DHX29: variants seen among roughly 807,000 people sequenced by gnomAD.
The protein encoded by DHX29 is DExH-box helicase 29.
In DHX29, 79 loss-of-function variants were observed where a neutral mutation model predicts 167.9. The ratio of observed to expected loss-of-function variants is 0.47; its 90% confidence interval spans 0.39 to 0.57. The LOEUF is 0.57. Ranked by LOEUF, DHX29 falls within the 20% of genes least tolerant of loss-of-function variation. DHX29 has a pLI of 0.00. For missense variants in DHX29, 1,347 were observed against 1,593.4 expected (o/e 0.85, Z 2.63); for synonymous variants, 530 against 546.0 (o/e 0.97, Z 0.41).
intron 3 of DHX29, 151 bp from the exon 4 acceptor site, chr5:55,296,500 CTGAAT>C: frequency 9.3e-7 from 1 of 1,070,166 alleles, no homozygotes; most frequent in Non-Finnish European, 1.2e-6. Flanking sequence ...AATGTGTTTA[CTGAAT>C]TAAGAATTTG....
chr5:55,270,822 T>C, intron 18 of DHX29, 116 bp from the exon 19 acceptor site: 1 of 719,850 alleles, frequency 1.4e-6, no homozygotes, highest in Non-Finnish European at 2.4e-6. Context: ...TCCATTATTG[T>C]GGACCAATAG....
At chr5:55,292,933 T>G (rs1391387097) in intron 6 of DHX29, among the ~76,000 whole-genome samples, 1 of 152,150 alleles carries the variant, frequency 6.6e-6, no homozygotes, top group Non-Finnish European at 1.5e-5. Flanking sequence ...GCCCTAAATA[T>G]TTTACTTATA....
intron 24 of DHX29, 61 bp from the exon 25 acceptor site, chr5:55,261,560 T>C: frequency 9.4e-7 from 1 of 1,063,634 alleles, no homozygotes. Context: ...AGGTCATTTA[T>C]CTTTTTCAAG....
At chr5:55,298,275 G>C (rs755035406) in intron 2 of DHX29, among the ~76,000 whole-genome samples, 4 of 152,212 alleles carry the variant, frequency 2.6e-5, no homozygotes, top group Non-Finnish European at 5.9e-5. Context: ...ATATTCATGA[G>C]ATGTCCCATG....
chr5:55,306,292 T>C (rs1334688166), intron 1 of DHX29, among the ~76,000 whole-genome samples: 1 of 152,198 alleles, frequency 6.6e-6, no homozygotes, highest in Non-Finnish European at 1.5e-5. Flanking sequence ...CCCCAAGCTC[T>C]TTCCTGACTC....
intron 12 of DHX29, 118 bp downstream of exon 12, chr5:55,281,254 A>G (rs1252890678): frequency 6.5e-6 from 5 of 772,118 alleles, no homozygotes; most frequent in Non-Finnish European, 9.0e-6. Context: ...AAATTATTAT[A>G]TATAAGGTAT....
intron 12 of DHX29, chr5:55,279,738 G>GTT (rs550132982): frequency 1.5e-4 from 17 of 111,018 alleles, no homozygotes; most frequent in Non-Finnish European, 2.5e-4. Context: ...TGCTGTTTTT[G>GTT]TTTTTTTTTT....
chr5:55,274,238 A>G (rs1249312585), intron 16 of DHX29, among the ~76,000 whole-genome samples: 1 of 151,838 alleles, frequency 6.6e-6, no homozygotes, highest in Admixed American at 6.6e-5. Flanking sequence ...TATGAAAAAA[A>G]TTTTTTAAAT....
intron 5 of DHX29, among the ~76,000 whole-genome samples, chr5:55,294,570 G>C (rs546637399): frequency 6.6e-6 from 1 of 152,336 alleles, no homozygotes; most frequent in East Asian, 1.9e-4. Flanking sequence ...AGCTACTCGG[G>C]AGGCTGAGGC....
intron 14 of DHX29, among the ~76,000 whole-genome samples, chr5:55,275,771 A>ATGTATGTG (rs1554023573): frequency 3.4e-5 from 5 of 146,812 alleles, no homozygotes; most frequent in East Asian, 1.9e-4. Context: ...GTATGTATGT[A>ATGTATGTG]TGTGTGTGTG....
rs748530314 is a variant in DHX29, at chr5:55,276,355, C to A, written c.2338G>T (p.Asp780Tyr). 1 of 1,605,972 alleles carries A rather than the reference C, an allele frequency of 6.2e-7. No homozygotes were observed. Among genetic ancestry groups the A allele is most frequent in the Non-Finnish European group, 8.5e-7 (1 of 1,176,486 alleles). The change falls in exon 14 of 27, where the codon GAC becomes TAC. Residue 780 changes from aspartate (D) to tyrosine (Y), a missense_variant. Coordinates refer to ENST00000251636, the MANE Select transcript of DHX29 (RefSeq NM_019030.4). ...IEETGFVLEK[D>Y]SEYCQKFLEE... The stretch of plus-strand genomic sequence containing the variant: ...AGAAATTTCTGACAATATTCTGAGT[C>A]TTTTTCCAGTACAAAGCCTGTTTCT...
At chr5:55,289,570 A>C (rs1733915352) in intron 7 of DHX29, 142 bp from the exon 8 acceptor site, 1 of 609,940 alleles carries the variant, frequency 1.6e-6, no homozygotes, top group South Asian at 4.5e-5. Context: ...AAAAAACTGC[A>C]TTCCTTCTTT....
intron 1 of DHX29, 83 bp downstream of exon 1, chr5:55,307,304 C>G: frequency 8.3e-7 from 1 of 1,204,150 alleles, no homozygotes; most frequent in Non-Finnish European, 1.2e-6. Context: ...GCCCGAAGCT[C>G]CTCCCGGGTT....
chr5:55,274,902 T>A lies in DHX29; in HGVS notation c.2536A>T (p.Asn846Tyr). ...AILYMNPHKI[N>Y]LDLILELLAY... ...AGAAGTTCCAAAATGAGATCCAGGTTGATTTTATGAGGATTCATGTATAGA... is the reference window on the plus strand; with the variant it reads ...AGAAGTTCCAAAATGAGATCCAGGTAGATTTTATGAGGATTCATGTATAGA... Residue 846 changes from asparagine (N) to tyrosine (Y), a missense_variant, in exon 15 of 27, where the codon AAC (asparagine) becomes TAC (tyrosine). Asn to Tyr is a moderately radical substitution (Grantham distance 143). Transcript: ENST00000251636. The A allele has an allele frequency of 6.2e-7, 1 of 1,613,700 alleles. No homozygotes were observed. The highest frequency in any genetic ancestry group is 1.1e-5 in the South Asian group (1 of 90,980).
At position 55,304,259 on chromosome 5, in the gene DHX29, A is replaced by C. The variant is rs532796077; in HGVS notation, c.187+3128T>G. On this transcript the variant is annotated intron_variant, in intron 1 of 26. Transcript: ENST00000251636. ...CCTCTCCCCAGGAGACTCTTTACCC[A>C]GTCATCTGTGTAACTACTTTACCTG... is the stretch of plus-strand genomic sequence containing the variant. Among the ~76,000 whole-genome samples the C allele has an allele frequency of 1.3e-3, 193 of 150,884 alleles. 1 individual carries two copies. The highest frequency in any genetic ancestry group is 4.4e-3 in the African/African-American group (182 of 41,048).
At position 55,259,928 on chromosome 5, in the gene DHX29, G is replaced by T; in HGVS notation, c.3977C>A (p.Ala1326Asp). 1 of 1,610,932 alleles carries T rather than the reference G, an allele frequency of 6.2e-7. No homozygotes were observed. The highest frequency in any genetic ancestry group is 8.5e-7 in the Non-Finnish European group (1 of 1,177,272). Residue 1326 changes from alanine (A) to aspartate (D), a missense_variant, in exon 26 of 27, where the codon GCT (alanine) becomes GAT (aspartate). Coordinates refer to ENST00000251636, the MANE Select transcript of DHX29 (RefSeq NM_019030.4). Reference protein sequence around the residue: ...WIYFQAPVKIAVIFKQLRVLI... With the variant: ...WIYFQAPVKIDVIFKQLRVLI... ...AACTCTCAGCTGCTTGAAAATGACA[G>T]CTATCTTTACAGGGGCCTGTTAAGA...
Position 55,270,458 on chromosome 5 carries a change from G to C in DHX29, c.3023C>G (p.Pro1008Arg), listed in dbSNP as rs1332548650. ...CTCCAAAGGTACACGTAAGATTTCA[G>C]GAACAGAATAATCCATAAAGCCTTC... is the stretch of plus-strand genomic sequence containing the variant. Reference protein sequence around the residue: ...RFEGFMDYSVPEILRVPLEEL... With the variant: ...RFEGFMDYSVREILRVPLEEL... Residue 1008 changes from proline to arginine, a missense_variant, in exon 20 of 27, where the codon CCT becomes CGT. By Grantham distance (103) the Pro-to-Arg change is moderately radical. Coordinates refer to ENST00000251636, the MANE Select transcript of DHX29 (RefSeq NM_019030.4). 8 of 1,612,672 alleles carry C rather than the reference G, an allele frequency of 5.0e-6. No homozygotes were observed. The highest frequency in any genetic ancestry group is 6.8e-6 in the Non-Finnish European group (8 of 1,179,642).
At chr5:55,263,539 CTTTATGT>C (rs1024002244) in intron 23 of DHX29, among the ~76,000 whole-genome samples, 6 of 151,668 alleles carry the variant, frequency 4.0e-5, no homozygotes, top group African/African-American at 1.5e-4. Flanking sequence ...TTAGGATATC[CTTTATGT>C]TTTAAGTTTG....
intron 25 of DHX29, among the ~76,000 whole-genome samples, chr5:55,261,012 T>C (rs1156250516): frequency 6.6e-6 from 1 of 152,160 alleles, no homozygotes; most frequent in Admixed American, 6.6e-5. Flanking sequence ...CCTGGGAAAA[T>C]TATTTAATTT....
Sources: gnomAD v4.1 joint callset for allele counts (sites outside exome capture counted in the v4.1 genomes callset) on GRCh38, gnomAD v4.1.1 for gene constraint, MANE v1.5 for transcripts, NCBI Gene and HGNC (gene_info 2026-07-23, HGNC 2026-07-21) for gene names.